Variants in NRXN3 observed in about 807,000 individuals in gnomAD.
The protein encoded by NRXN3 is neurexin 3.
In NRXN3, 32 loss-of-function variants were observed where a neutral mutation model predicts 137.6. The ratio of observed to expected loss-of-function variants is 0.23; its 90% CI spans 0.18 to 0.31. The LOEUF (loss-of-function observed/expected upper bound fraction) is 0.31. NRXN3 is among the 10% of genes least tolerant of loss of function. The pLI, the probability that NRXN3 is intolerant of heterozygous loss-of-function variation, is 1.00. For synonymous variants in NRXN3, 798 were observed against 784.5 expected, an observed-to-expected ratio of 1.02 and a Z score of -0.29; for missense variants, 1,574 against 2,062.5, an observed-to-expected ratio of 0.76 and a Z score of 4.59.
intron 17 of NRXN3, among the ~76,000 whole-genome samples, chr14:79,688,668 T>C (rs1022025601): frequency 2.6e-5 from 4 of 152,246 alleles, no homozygotes; most frequent in Non-Finnish European, 4.4e-5. Context: ...AATGTGAGGT[T>C]GGAGTGTAAA....
At chr14:78,991,678 A>G (rs2099519215) in intron 15 of NRXN3, among the ~76,000 whole-genome samples, 1 of 152,230 alleles carries the variant, frequency 6.6e-6, no homozygotes, top group Non-Finnish European at 1.5e-5. Context: ...AGTTAATCAT[A>G]TGTAGGCATG....
At chr14:79,822,828 C>A (rs2099276693) in intron 20 of NRXN3, among the ~76,000 whole-genome samples, 1 of 151,604 alleles carries the variant, frequency 6.6e-6, no homozygotes, top group African/African-American at 2.4e-5. Flanking sequence ...AACAAACAAA[C>A]AAACAAAAAA....
intron 8 of NRXN3, among the ~76,000 whole-genome samples, chr14:78,718,268 C>T (rs1194984765): frequency 2.6e-5 from 4 of 152,176 alleles, no homozygotes; most frequent in Admixed American, 1.3e-4. Context: ...ACTGTGTTCT[C>T]TACTGGAACT....
intron 1 of NRXN3, among the ~76,000 whole-genome samples, chr14:78,188,141 A>C (rs948735738): frequency 1.3e-5 from 2 of 152,222 alleles, no homozygotes; most frequent in African/African-American, 2.4e-5. Flanking sequence ...TAAGTGTTAC[A>C]TCCGGGACCA....
intron 4 of NRXN3, among the ~76,000 whole-genome samples, chr14:78,455,779 C>T (rs1442654673): frequency 6.6e-6 from 1 of 152,144 alleles, no homozygotes; most frequent in East Asian, 1.9e-4. Flanking sequence ...CCTTCTATCA[C>T]CAGTGGGCAT....
chr14:79,186,384 C>A (rs1410360603), intron 15 of NRXN3, among the ~76,000 whole-genome samples: 1 of 152,088 alleles, frequency 6.6e-6, no homozygotes, highest in Non-Finnish European at 1.5e-5. Context: ...TCCAACGTGG[C>A]TAACATGCCA....
intron 4 of NRXN3, among the ~76,000 whole-genome samples, chr14:78,373,920 T>C (rs370803832): frequency 6.6e-5 from 10 of 152,212 alleles, no homozygotes; most frequent in African/African-American, 1.7e-4. Context: ...AGAATAATAT[T>C]TGCCATATTC....
intron 15 of NRXN3, among the ~76,000 whole-genome samples, chr14:79,196,761 C>T (rs2065191393): frequency 6.6e-6 from 1 of 152,084 alleles, no homozygotes; most frequent in Non-Finnish European, 1.5e-5. Context: ...TGCAAAGATA[C>T]AGAGGTATAT....
At chr14:79,548,897 C>A (rs1295856403) in intron 16 of NRXN3, among the ~76,000 whole-genome samples, 1 of 152,088 alleles carries the variant, frequency 6.6e-6, no homozygotes, top group Non-Finnish European at 1.5e-5. Context: ...CAGAATGGAC[C>A]ATTTTGGAGA....
intron 15 of NRXN3, among the ~76,000 whole-genome samples, chr14:79,269,095 G>A (rs920662479): frequency 1.3e-5 from 2 of 150,160 alleles, no homozygotes; most frequent in African/African-American, 5.0e-5. Flanking sequence ...TGTCGCCAAG[G>A]CTGGAGTGCA....
intron 4 of NRXN3, among the ~76,000 whole-genome samples, chr14:78,458,240 T>C (rs1356639104): frequency 1.3e-5 from 2 of 152,158 alleles, no homozygotes; most frequent in Non-Finnish European, 2.9e-5. Context: ...CAGAAAAAAT[T>C]GTCAGTAGAG....
intron 3 of NRXN3, among the ~76,000 whole-genome samples, chr14:78,297,238 C>G (rs907815244): frequency 6.6e-6 from 1 of 152,120 alleles, no homozygotes; most frequent in Non-Finnish European, 1.5e-5. Context: ...TCCAGGTTGT[C>G]TGAGCAACTC....
At chr14:79,695,949 G>A (rs2098734000) in intron 18 of NRXN3, among the ~76,000 whole-genome samples, 1 of 151,906 alleles carries the variant, frequency 6.6e-6, no homozygotes, top group Non-Finnish European at 1.5e-5. Context: ...CTATAACAAA[G>A]TTCTCTGGCC....
intron 15 of NRXN3, among the ~76,000 whole-genome samples, chr14:79,306,511 G>A (rs1200131493): frequency 6.6e-6 from 1 of 152,032 alleles, no homozygotes. Context: ...CAGAAATTCA[G>A]GCATATATAT....
At chr14:78,903,405 G>A (rs541628972) in intron 10 of NRXN3, among the ~76,000 whole-genome samples, 4 of 151,984 alleles carry the variant, frequency 2.6e-5, no homozygotes, top group Admixed American at 1.3e-4. Flanking sequence ...GTCTCCCAAA[G>A]TGCTTGGATT....
intron 15 of NRXN3, among the ~76,000 whole-genome samples, chr14:79,026,952 A>T (rs1342005627): frequency 0.035 from 3 of 86 alleles, no homozygotes; most frequent in African/African-American, 0.045. Flanking sequence ...TTATAATTTT[A>T]TATATATATA....
At chr14:78,201,885 G>A (rs888165456) in intron 1 of NRXN3, among the ~76,000 whole-genome samples, 6 of 152,178 alleles carry the variant, frequency 3.9e-5, no homozygotes, top group South Asian at 2.1e-4. Context: ...CTCGGAGGCC[G>A]CAGGAGGAAA....
rs375419864 is a variant in NRXN3, at chr14:78,878,535, A to G, written c.2275+68191A>G. On this transcript the variant is annotated intron_variant, in intron 10 of 20. Transcript: ENST00000335750. ...TGTACAAACCAAGACTAATTTATTC[A>G]TTGTTGTTCCAAAGCAGCAGAAGCC... is the stretch of plus-strand genomic sequence containing the variant. Among the ~76,000 whole-genome samples the G allele has an allele frequency of 1.4e-4, 21 of 152,264 alleles. 1 individual carries two copies. The South Asian group carries it at 4.3e-3, about 32-fold the overall frequency.
intron 16 of NRXN3, among the ~76,000 whole-genome samples, chr14:79,663,281 C>T (rs1464262974): frequency 6.6e-6 from 1 of 151,796 alleles, no homozygotes; most frequent in South Asian, 2.1e-4. Flanking sequence ...TATATACACA[C>T]ACACATATAT....
Sources: gnomAD v4.1 joint callset for allele counts (sites outside exome capture counted in the v4.1 genomes callset) on GRCh38, gnomAD v4.1.1 for gene constraint, MANE v1.5 for transcripts, NCBI Gene and HGNC (gene_info 2026-07-23, HGNC 2026-07-21) for gene names.